The following SPPL3 variants were observed in gnomAD, a reference collection of about 807,000 sequenced individuals.
SPPL3 encodes the protein signal peptide peptidase like 3.
Under a neutral mutation model 42.4 loss-of-function variants are expected in SPPL3, and 5 were observed. The ratio of observed to expected loss-of-function variants is 0.12; its 90% confidence interval spans 0.06 to 0.25. SPPL3 has a LOEUF of 0.25. SPPL3 is among the 10% of genes least tolerant of loss of function. The pLI is 1.00. For synonymous variants in SPPL3, 195 were observed against 181.8 expected, an observed-to-expected ratio of 1.07 and a Z score of -0.58; for missense variants, 235 against 489.0, an observed-to-expected ratio of 0.48 and a Z score of 4.90.
chr12:120,821,423 A>G (rs1025257042), intron 1 of SPPL3, among the ~76,000 whole-genome samples: 2 of 152,258 alleles, frequency 1.3e-5, no homozygotes, highest in African/African-American at 4.8e-5. Context: ...TGCAGCAAAC[A>G]TAAGGCAAGG....
At chr12:120,869,231 C>A (rs946849892) in intron 1 of SPPL3, among the ~76,000 whole-genome samples, 1 of 152,138 alleles carries the variant, frequency 6.6e-6, no homozygotes, top group East Asian at 1.9e-4. Flanking sequence ...ATGGTGACTA[C>A]GATACCATGA....
chr12:120,903,834 C>A lies in SPPL3; in HGVS notation c.23+11G>T. ...TTGCCGCCTCCCGGCCTCCCGGAGC[C>A]CCGCACTCACCACGAGTAGGTCTGC... On this transcript the variant is annotated intron_variant, in intron 1 of 10. Transcript: ENST00000353487. The A allele has an allele frequency of 6.8e-7, 1 of 1,478,482 alleles. No homozygotes were observed. Among genetic ancestry groups the A allele is most frequent in the Non-Finnish European group, 8.9e-7 (1 of 1,121,248 alleles). 91.6% of individuals were successfully genotyped at this position (1,478,482 alleles called of 1,614,324 possible).
chr12:120,904,051 C>T lies in SPPL3; in HGVS notation c.-184G>A, dbSNP rs1430353249. 1.6e-5 allele frequency: 6 copies of T among 369,652 alleles called. No homozygotes were observed. The highest frequency in any genetic ancestry group is 9.7e-5 in the Admixed American group (2 of 20,532). The allele number at this position is 369,652 out of a possible 1,614,324, so 22.9% of individuals were successfully genotyped here. On this transcript the variant is annotated 5_prime_UTR_variant, in exon 1 of 11. Transcript: ENST00000353487. ...GGGGAGAGGCCGGGCTCCGAAGCGG[C>T]CCCGCTCCCTGGGCCCCGGGGCGGG...
intron 6 of SPPL3, among the ~76,000 whole-genome samples, chr12:120,772,915 CAAGATCT>C (rs1869175637): frequency 6.6e-6 from 1 of 152,186 alleles, no homozygotes; most frequent in Non-Finnish European, 1.5e-5. Flanking sequence ...GAGATGTGGT[CAAGATCT>C]AATTCCTGAC....
At chr12:120,789,761 G>A (rs1192118682) in intron 3 of SPPL3, among the ~76,000 whole-genome samples, 1 of 138,476 alleles carries the variant, frequency 7.2e-6, no homozygotes, top group East Asian at 2.3e-4. Context: ...GGTGACAGAG[G>A]TTGCAGTGAG....
chr12:120,842,849 A>G (rs769743133), intron 1 of SPPL3, among the ~76,000 whole-genome samples: 1 of 152,210 alleles, frequency 6.6e-6, no homozygotes, highest in Non-Finnish European at 1.5e-5. Context: ...CACAGCACAC[A>G]GTATTGAAAA....
Position 120,844,277 on chromosome 12 carries a change from C to G in SPPL3, c.24-33391G>C, listed in dbSNP as rs548061275. Among the ~76,000 whole-genome samples the G allele has an allele frequency of 2.0e-4, 31 of 152,254 alleles. No homozygotes were observed. In the South Asian group the frequency reaches 2.7e-3, roughly 13 times the overall value. ...CATACCTCCAAAACATAGCCTAAAC[C>G]CTTCCACTTCTGTTTCCCCGTTATT... On this transcript the variant is annotated intron_variant, in intron 1 of 10. Coordinates refer to ENST00000353487, the MANE Select transcript of SPPL3 (RefSeq NM_139015.5).
intron 2 of SPPL3, among the ~76,000 whole-genome samples, 192 bp downstream of exon 2, chr12:120,810,617 A>T (rs1310602249): frequency 6.6e-6 from 1 of 152,210 alleles, no homozygotes; most frequent in Non-Finnish European, 1.5e-5. Flanking sequence ...AACATGCTAA[A>T]CTCATAAGCA....
intron 6 of SPPL3, among the ~76,000 whole-genome samples, chr12:120,780,586 T>C (rs1315031512): frequency 5.7e-5 from 7 of 122,052 alleles, no homozygotes; most frequent in African/African-American, 3.3e-4. Flanking sequence ...CTGTCTCTAT[T>C]TAAAAAAAAA....
chr12:120,817,556 C>T (rs1396954031), intron 1 of SPPL3, among the ~76,000 whole-genome samples: 1 of 152,190 alleles, frequency 6.6e-6, no homozygotes, highest in East Asian at 1.9e-4. Context: ...TCATCTTACC[C>T]TGGGTAGCAA....
intron 1 of SPPL3, among the ~76,000 whole-genome samples, chr12:120,847,249 T>C (rs1872070618): frequency 6.6e-6 from 1 of 152,058 alleles, no homozygotes; most frequent in South Asian, 2.1e-4. Flanking sequence ...ATTTAGCGTC[T>C]CTTTGGGGAA....
chr12:120,788,704 G>A (rs1197825214), intron 3 of SPPL3, among the ~76,000 whole-genome samples: 1 of 152,138 alleles, frequency 6.6e-6, no homozygotes, highest in African/African-American at 2.4e-5. Flanking sequence ...TATTTTGGGA[G>A]TGGGCAGCTA....
intron 1 of SPPL3, among the ~76,000 whole-genome samples, chr12:120,811,812 T>C (rs1870691042): frequency 6.6e-6 from 1 of 152,122 alleles, no homozygotes; most frequent in Non-Finnish European, 1.5e-5. Flanking sequence ...CCTAAATGTC[T>C]TTTCTAAAGA....
At chr12:120,798,874 T>C (rs1870195868) in intron 2 of SPPL3, among the ~76,000 whole-genome samples, 1 of 152,172 alleles carries the variant, frequency 6.6e-6, no homozygotes, top group Non-Finnish European at 1.5e-5. Context: ...GTCATCTCTT[T>C]GGTTTAACCC....
intron 2 of SPPL3, among the ~76,000 whole-genome samples, chr12:120,805,877 T>A (rs1340392509): frequency 6.6e-6 from 1 of 152,060 alleles, no homozygotes; most frequent in Non-Finnish European, 1.5e-5. Flanking sequence ...ACATCTAAAT[T>A]AAAGAATATC....
At chr12:120,892,007 G>C (rs1011866077) in intron 1 of SPPL3, among the ~76,000 whole-genome samples, 3 of 152,052 alleles carry the variant, frequency 2.0e-5, no homozygotes, top group African/African-American at 7.2e-5. Context: ...TAGAAAGTTA[G>C]GCAAATTTGG....
intron 1 of SPPL3, among the ~76,000 whole-genome samples, chr12:120,857,875 C>G (rs915416997): frequency 1.3e-5 from 2 of 152,182 alleles, no homozygotes; most frequent in African/African-American, 4.8e-5. Context: ...GGGCTTAATA[C>G]CTCGGTGATG....
At chr12:120,858,814 G>A (rs1016350983) in intron 1 of SPPL3, among the ~76,000 whole-genome samples, 3 of 152,184 alleles carry the variant, frequency 2.0e-5, no homozygotes, top group Non-Finnish European at 4.4e-5. Flanking sequence ...ACTAGTCTCT[G>A]ACAGCAACGC....
At position 120,876,623 on chromosome 12, in the gene SPPL3, A is replaced by AAAAAAAAAAG. The variant is rs1555253881; in HGVS notation, c.23+27221_23+27222insCTTTTTTTTT. On this transcript the variant is annotated intron_variant, in intron 1 of 10. Coordinates refer to ENST00000353487, the MANE Select transcript of SPPL3 (RefSeq NM_139015.5). ...CAGAGCGAGACTCTGTCTCAAAAAA[A>AAAAAAAAAAG]AAAAAAAAAAAAAGAAGAAAGAAAA... 5.3e-4 allele frequency among the ~76,000 whole-genome samples: 80 copies of AAAAAAAAAAG among 149,704 alleles called. 2 individuals are homozygous for AAAAAAAAAAG. Among genetic ancestry groups the AAAAAAAAAAG allele is most frequent in the African/African-American group, 1.7e-3 (71 of 40,634 alleles).
Sources: gnomAD v4.1 joint callset for allele counts (sites outside exome capture counted in the v4.1 genomes callset) on GRCh38, gnomAD v4.1.1 for gene constraint, MANE v1.5 for transcripts, NCBI Gene and HGNC (gene_info 2026-07-23, HGNC 2026-07-21) for gene names.